The following HTRA1 variants were observed in gnomAD, a reference collection of about 807,000 sequenced individuals.
HTRA1 encodes serine protease HTRA1.
Under a neutral mutation model 49.7 loss-of-function variants are expected in HTRA1, and 26 were observed. The observed-to-expected ratio is 0.52, with a 90% confidence interval of 0.38 to 0.73. The LOEUF (loss-of-function observed/expected upper bound fraction) is 0.73. Among genes scored for constraint, HTRA1 ranks in the 30% least tolerant of loss-of-function variants. The pLI is 0.00. For missense variants in HTRA1, 561 were observed against 667.2 expected (o/e 0.84, Z 1.75); for synonymous variants, 291 against 286.9 (o/e 1.01, Z -0.14).
At chr10:122,510,472 G>C (rs916643057) in intron 7 of HTRA1, among the ~76,000 whole-genome samples, 1 of 152,164 alleles carries the variant, frequency 6.6e-6, no homozygotes, top group African/African-American at 2.4e-5. Context: ...TCTGGCTCAC[G>C]TCTTCCTTAC....
chr10:122,482,842 C>T (rs1003690427), intron 1 of HTRA1, among the ~76,000 whole-genome samples: 2 of 145,440 alleles, frequency 1.4e-5, no homozygotes. Flanking sequence ...CACTTGAACC[C>T]AGGAGGCAGA....
rs369109195 is a variant in HTRA1 at position 122,494,243 on chromosome 10, C to T, written c.777+4617C>T. Among the ~76,000 whole-genome samples the T allele has an allele frequency of 5.3e-5, 8 of 152,296 alleles. No individual in the cohort carries two copies. The highest frequency in any genetic ancestry group is 1.2e-4 in the African/African-American group (5 of 41,570). On this transcript the variant is annotated intron_variant, in intron 3 of 8. Coordinates refer to ENST00000368984, the MANE Select transcript of HTRA1 (RefSeq NM_002775.5). This position sits in a 1 kb window ranked among gnomAD's most constrained non-coding sequence, Gnocchi z 4.0. ...CGGGGTTGGGGGCACATCCGGCTGT[C>T]GGTCCTCAGGTAGGAGGTGCTTGGC...
chr10:122,505,088 C>G (rs1291109926), intron 3 of HTRA1, among the ~76,000 whole-genome samples: 1 of 152,214 alleles, frequency 6.6e-6, no homozygotes, highest in Non-Finnish European at 1.5e-5. Context: ...ATTCAAAGAG[C>G]TGTTCAGATC....
chr10:122,477,009 C>A (rs1190292086), intron 1 of HTRA1, among the ~76,000 whole-genome samples: 1 of 150,016 alleles, frequency 6.7e-6, no homozygotes, highest in East Asian at 2.0e-4. Flanking sequence ...ACTTTGTCAC[C>A]CAGGCTGGAG....
At chr10:122,462,263 G>GC in intron 1 of HTRA1, 139 bp downstream of exon 1, 2 of 765,692 alleles carry the variant, frequency 2.6e-6, no homozygotes, top group East Asian at 2.9e-5. Context: ...AGGCAGGTGG[G>GC]CCCCGGGGTG....
chr10:122,500,402 A>C (rs539507635), intron 3 of HTRA1, among the ~76,000 whole-genome samples: 1 of 152,354 alleles, frequency 6.6e-6, no homozygotes, highest in Non-Finnish European at 1.5e-5. Context: ...TTTTCCGTAA[A>C]GAATAGCTAA....
At chr10:122,512,095 A>G in intron 8 of HTRA1, 30 bp downstream of exon 8, 1 of 1,477,776 alleles carries the variant, frequency 6.8e-7, no homozygotes, top group Non-Finnish European at 9.5e-7. Flanking sequence ...TCTTTTCCCA[A>G]TATTCTTGTT....
In HTRA1 at chr10:122,461,998, G is replaced by C. The variant is rs956105793; in HGVS notation, c.346G>C (p.Glu116Gln). 1 of 1,527,470 alleles carries C rather than the reference G, an allele frequency of 6.5e-7. No homozygotes were observed. The highest frequency in any genetic ancestry group is 1.4e-5 in the African/African-American group (1 of 71,974). The allele number at this position is 1,527,470 out of a possible 1,614,324, so 94.6% of individuals were successfully genotyped here. Residue 116 changes from glutamate to glutamine, a missense_variant, in exon 1 of 9, where the codon GAG becomes CAG. By Grantham distance (29) the Glu-to-Gln change is conservative. This residue lies in a region of HTRA1 where 271 missense variants were observed against 410.0 expected (regional missense o/e 0.66). Coordinates refer to ENST00000368984, the MANE Select transcript of HTRA1 (RefSeq NM_002775.5). ...QAGLCVCASSEPVCGSDANTY... is the reference protein window; with the variant it reads ...QAGLCVCASSQPVCGSDANTY... ...CGGCCTCTGTGTGTGCGCCAGCAGC[G>C]AGCCGGTGTGCGGCAGCGACGCCAA...
intron 8 of HTRA1, among the ~76,000 whole-genome samples, chr10:122,512,858 G>C (rs1038169038): frequency 1.1e-4 from 16 of 152,094 alleles, no homozygotes; most frequent in Admixed American, 8.5e-4. Flanking sequence ...CCCTGTCCCA[G>C]CCTTTCCCCT....
At chr10:122,462,966 G>T (rs904025590) in intron 1 of HTRA1, among the ~76,000 whole-genome samples, 1 of 152,270 alleles carries the variant, frequency 6.6e-6, no homozygotes, top group African/African-American at 2.4e-5. Flanking sequence ...ACTCTCTCGC[G>T]GGACCTTCCG....
chr10:122,511,759 TA>T (rs1565437667), intron 7 of HTRA1, among the ~76,000 whole-genome samples: 9 of 117,628 alleles, frequency 7.7e-5, no homozygotes, highest in Non-Finnish European at 9.9e-5. Context: ...ATAAAAAAAA[TA>T]AATAAATAAT....
chr10:122,469,545 G>A lies in HTRA1; in HGVS notation c.472+7421G>A, dbSNP rs7914708. Among the ~76,000 whole-genome samples, 1,426 of 152,338 alleles carry A rather than the reference G, an allele frequency of 9.4e-3. 18 individuals are homozygous for A. Among genetic ancestry groups the A allele is most frequent in the African/African-American group, 0.033 (1,373 of 41,566 alleles). On this transcript the variant is annotated intron_variant, in intron 1 of 8. Coordinates refer to ENST00000368984, the MANE Select transcript of HTRA1 (RefSeq NM_002775.5). ...TGTATTCTCCAGGACAGTTAGGGCA[G>A]TGGGAAATGTCATCAAACAGAACAG...
chr10:122,478,247 G>C (rs913956896), intron 1 of HTRA1, among the ~76,000 whole-genome samples: 6 of 152,228 alleles, frequency 3.9e-5, no homozygotes, highest in African/African-American at 9.6e-5. Context: ...GCGTCAGCAT[G>C]AGGGGCTTGC....
intron 8 of HTRA1, among the ~76,000 whole-genome samples, 159 bp from the exon 9 acceptor site, chr10:122,514,032 C>T (rs535879221): frequency 1.8e-4 from 28 of 152,186 alleles, no homozygotes; most frequent in Non-Finnish European, 8.8e-5. Context: ...AGCCACCGTG[C>T]CTGACCCACT....
chr10:122,496,222 TGGGTTC>T, intron 3 of HTRA1, among the ~76,000 whole-genome samples: 1 of 122,530 alleles, frequency 8.2e-6, no homozygotes, highest in Non-Finnish European at 1.7e-5. Context: ...CCAGAGATTG[TGGGTTC>T]TTTTTTTTTT....
At chr10:122,481,143 T>C (rs1386787004) in intron 1 of HTRA1, among the ~76,000 whole-genome samples, 4 of 152,158 alleles carry the variant, frequency 2.6e-5, no homozygotes, top group African/African-American at 9.7e-5. Flanking sequence ...TCAATATTTT[T>C]CTGCTACCCA....
intron 3 of HTRA1, among the ~76,000 whole-genome samples, chr10:122,496,630 GGCTGCAAAGACA>G (rs1223831590): frequency 6.6e-6 from 1 of 152,116 alleles, no homozygotes; most frequent in Non-Finnish European, 1.5e-5. Flanking sequence ...GAAGGTATCA[GGCTGCAAAGACA>G]GCAGATAGTG....
intron 1 of HTRA1, among the ~76,000 whole-genome samples, chr10:122,481,656 C>A (rs1591029697): frequency 6.6e-6 from 1 of 152,186 alleles, no homozygotes; most frequent in South Asian, 2.1e-4. Context: ...ATTGGTGGCA[C>A]CTTTAGTAGT....
chr10:122,481,654 C>A (rs1014999715), intron 1 of HTRA1, among the ~76,000 whole-genome samples: 2 of 152,192 alleles, frequency 1.3e-5, no homozygotes, highest in Non-Finnish European at 2.9e-5. Context: ...TGATTGGTGG[C>A]ACCTTTAGTA....
Sources: gnomAD v4.1 joint callset for allele counts (sites outside exome capture counted in the v4.1 genomes callset) on GRCh38, gnomAD v4.1.1 for gene constraint, gnomAD v4.1.1 regional missense constraint, Gnocchi (gnomAD v3.1) non-coding constraint, MANE v1.5 for transcripts, NCBI Gene and HGNC (gene_info 2026-07-23, HGNC 2026-07-21) for gene names.